Variants in ROBO2 observed in about 807,000 individuals in gnomAD.
ROBO2 encodes the protein roundabout guidance receptor 2.
In ROBO2, 53 loss-of-function variants were observed where a neutral mutation model predicts 160.8. That is an observed-to-expected ratio of 0.33 (90% CI 0.26 to 0.41). The LOEUF (loss-of-function observed/expected upper bound fraction) is 0.41. Ranked by LOEUF, ROBO2 falls within the 10% of genes least tolerant of loss-of-function variation. The probability of loss-of-function intolerance (pLI) is 1.00; values close to 1 mark genes in which losing one functional copy is unlikely to be tolerated. For synonymous variants in ROBO2, 664 were observed against 611.7 expected, an observed-to-expected ratio of 1.09 and a Z score of -1.26; for missense variants, 1,577 against 1,722.4, an observed-to-expected ratio of 0.92 and a Z score of 1.49.
At chr3:76,643,051 A>G (rs1389995380) in intron 2 of ROBO2, among the ~76,000 whole-genome samples, 1 of 152,202 alleles carries the variant, frequency 6.6e-6, no homozygotes, top group Non-Finnish European at 1.5e-5. Context: ...TTTGTTATAG[A>G]TAATTAGTAG....
intron 2 of ROBO2, among the ~76,000 whole-genome samples, chr3:76,820,478 T>C (rs1040648327): frequency 6.6e-6 from 1 of 152,056 alleles, no homozygotes; most frequent in African/African-American, 2.4e-5. Flanking sequence ...TTCTTAAGAT[T>C]ATATTTAATT....
intron 2 of ROBO2, among the ~76,000 whole-genome samples, chr3:76,679,771 A>G (rs561197901): frequency 6.6e-6 from 1 of 152,124 alleles, no homozygotes; most frequent in South Asian, 2.1e-4. Flanking sequence ...ATTTTATTCT[A>G]ACTTGTGCCT....
chr3:77,032,940 G>A (rs2063411044), intron 2 of ROBO2, among the ~76,000 whole-genome samples: 1 of 152,150 alleles, frequency 6.6e-6, no homozygotes, highest in Non-Finnish European at 1.5e-5. Context: ...GTGGAAGAAA[G>A]GAAGGAGAGG....
intron 2 of ROBO2, among the ~76,000 whole-genome samples, chr3:76,657,373 C>T (rs975225467): frequency 6.6e-6 from 1 of 151,274 alleles, no homozygotes; most frequent in Non-Finnish European, 1.5e-5. Context: ...TGCAGTGAGC[C>T]GAGATCGCGC....
At chr3:76,429,939 TC>T (rs749508841) in intron 2 of ROBO2, among the ~76,000 whole-genome samples, 54 of 151,966 alleles carry the variant, frequency 3.6e-4, no homozygotes, top group Non-Finnish European at 3.5e-4. Context: ...AGAACAGCAA[TC>T]AAAGGAACAA....
At chr3:76,534,260 C>T (rs1186017894) in intron 2 of ROBO2, among the ~76,000 whole-genome samples, 1 of 151,806 alleles carries the variant, frequency 6.6e-6, no homozygotes, top group East Asian at 1.9e-4. Context: ...TAAAAAAGTG[C>T]CAGGTAGCAC....
At chr3:77,552,189 C>A (rs915426310) in intron 8 of ROBO2, among the ~76,000 whole-genome samples, 1 of 151,930 alleles carries the variant, frequency 6.6e-6, no homozygotes, top group Non-Finnish European at 1.5e-5. Flanking sequence ...CACCTGTCAA[C>A]AAAAATGTCC....
At chr3:76,136,791 A>G (rs942319399) in intron 2 of ROBO2, among the ~76,000 whole-genome samples, 4 of 152,084 alleles carry the variant, frequency 2.6e-5, no homozygotes, top group African/African-American at 9.6e-5. Context: ...GTGTCAAAAT[A>G]AATGCAGAAA....
intron 2 of ROBO2, among the ~76,000 whole-genome samples, chr3:76,674,898 T>C (rs900429986): frequency 4.7e-5 from 7 of 150,148 alleles, no homozygotes; most frequent in African/African-American, 1.7e-4. Context: ...ATTTCTGGTA[T>C]ACAATGAGTA....
At chr3:77,185,122 A>T (rs2081162930) in intron 2 of ROBO2, among the ~76,000 whole-genome samples, 1 of 152,000 alleles carries the variant, frequency 6.6e-6, no homozygotes, top group Non-Finnish European at 1.5e-5. Context: ...TAAGGCTTGA[A>T]GCTGGGATGA....
At chr3:77,089,297 T>C (rs1333822447) in intron 1 of ROBO2, among the ~76,000 whole-genome samples, 1 of 152,152 alleles carries the variant, frequency 6.6e-6, no homozygotes, top group Non-Finnish European at 1.5e-5. Flanking sequence ...ACTCTATTTT[T>C]CCTCCTCATC....
At chr3:76,296,642 A>C (rs1215445968) in intron 2 of ROBO2, among the ~76,000 whole-genome samples, 1 of 152,206 alleles carries the variant, frequency 6.6e-6, no homozygotes, top group African/African-American at 2.4e-5. Flanking sequence ...CAGGGCCTAA[A>C]CTAATCACTG....
chr3:76,216,198 A>G (rs1227976667), intron 2 of ROBO2, among the ~76,000 whole-genome samples: 1 of 151,562 alleles, frequency 6.6e-6, no homozygotes, highest in Non-Finnish European at 1.5e-5. Context: ...AAAAGCCACT[A>G]CAAAAACATG....
chr3:76,834,094 C>CTTTCTTTCTTTCTTTCT lies in ROBO2; in HGVS notation c.110-263917_110-263901dup, dbSNP rs2067402310. 3.3e-5 allele frequency among the ~76,000 whole-genome samples: 4 copies of CTTTCTTTCTTTCTTTCT among 119,978 alleles called. No homozygotes were observed. In the South Asian group the frequency reaches 1.1e-3, roughly 32 times the overall value. 78.7% of individuals were successfully genotyped at this position (119,978 alleles called of 152,430 possible). ...TCTTTCTTTCTTTCTTTCTTTCTTT[C>CTTTCTTTCTTTCTTTCT]TTTCTTTCTTTCTTTCTTTCTCTCT... On this transcript the variant is annotated intron_variant, in intron 2 of 26. Transcript: ENST00000487694.
At chr3:77,389,962 A>G (rs1036659704) in intron 2 of ROBO2, among the ~76,000 whole-genome samples, 5 of 152,184 alleles carry the variant, frequency 3.3e-5, no homozygotes, top group African/African-American at 1.2e-4. Flanking sequence ...CGCATTCACT[A>G]GAAAGGGATA....
chr3:77,047,646 C>G (rs1320879506), intron 1 of ROBO2, among the ~76,000 whole-genome samples: 1 of 149,846 alleles, frequency 6.7e-6, no homozygotes, highest in East Asian at 2.0e-4. Context: ...AAAATTGTGC[C>G]ATTATACTCC....
At chr3:77,291,047 GA>G (rs2061161323) in intron 2 of ROBO2, among the ~76,000 whole-genome samples, 3 of 150,238 alleles carry the variant, frequency 2.0e-5, no homozygotes, top group African/African-American at 7.4e-5. Flanking sequence ...ATGGTTAAAC[GA>G]GTAAGCTGAG....
chr3:75,988,533 T>C (rs1204635850), intron 2 of ROBO2, among the ~76,000 whole-genome samples: 1 of 152,112 alleles, frequency 6.6e-6, no homozygotes, highest in Non-Finnish European at 1.5e-5. Flanking sequence ...CCTTTGGGTT[T>C]TCTTTGTTCT....
Position 77,353,594 on chromosome 3 carries a change from T to G in ROBO2, c.389-123820T>G, listed in dbSNP as rs142064139. 3.5e-3 allele frequency among the ~76,000 whole-genome samples: 540 copies of G among 152,200 alleles called. 1 individual carries two copies. The highest frequency in any genetic ancestry group is 6.4e-3 in the Non-Finnish European group (437 of 68,000). On this transcript the variant is annotated intron_variant, in intron 2 of 25. Transcript: ENST00000461745. ...GGCATGACCTTGGCTCACTGCAACCTCCGCCTCCTGGGTTCAGGCAATTCT... is the reference window on the plus strand; with the variant it reads ...GGCATGACCTTGGCTCACTGCAACCGCCGCCTCCTGGGTTCAGGCAATTCT...
Sources: gnomAD v4.1 joint callset for allele counts (sites outside exome capture counted in the v4.1 genomes callset) on GRCh38, gnomAD v4.1.1 for gene constraint, MANE v1.5 for transcripts, NCBI Gene and HGNC (gene_info 2026-07-23, HGNC 2026-07-21) for gene names.